CCSER1: variants seen among roughly 807,000 people sequenced by gnomAD.
The protein encoded by CCSER1 is coiled-coil serine rich protein 1.
CCSER1 carries 41 observed loss-of-function variants against 82.0 expected under a neutral mutation model. The ratio of observed to expected loss-of-function variants is 0.50; its 90% CI spans 0.39 to 0.65. The LOEUF (loss-of-function observed/expected upper bound fraction) is 0.65, where lower values mean the gene tolerates loss of function less well. Among genes scored for constraint, CCSER1 ranks in the 30% least tolerant of loss-of-function variants. The pLI, the probability that CCSER1 is intolerant of heterozygous loss-of-function variation, is 0.00. For missense variants in CCSER1, 1,119 were observed against 1,064.2 expected, an observed-to-expected ratio of 1.05 and a Z score of -0.72; for synonymous variants, 414 against 383.9, an observed-to-expected ratio of 1.08 and a Z score of -0.92.
In CCSER1 at chr4:90,749,025, G is replaced by T. The variant is rs1206143192; in HGVS notation, c.2010+25034G>T. Among the ~76,000 whole-genome samples the T allele has an allele frequency of 4.0e-5, 6 of 151,612 alleles. No individual in the cohort carries two copies. In the East Asian group the frequency reaches 1.2e-3, roughly 30 times the overall value. On this transcript the variant is annotated intron_variant, in intron 7 of 10. Transcript: ENST00000509176. ...TGATGGTAGTTTCTTTTGCTGTGCA[G>T]AAGCTCTTTAGTTTAATTAGATCCC...
intron 10 of CCSER1, among the ~76,000 whole-genome samples, chr4:91,425,946 T>C (rs1471182451): frequency 6.6e-6 from 1 of 152,214 alleles, no homozygotes; most frequent in Non-Finnish European, 1.5e-5. Flanking sequence ...TGTGCAGTTT[T>C]GTTACATAGG....
intron 10 of CCSER1, among the ~76,000 whole-genome samples, chr4:91,106,151 G>A (rs1357419962): frequency 1.3e-5 from 2 of 152,164 alleles, no homozygotes; most frequent in South Asian, 2.1e-4. Context: ...TAAAAAATGA[G>A]TTAGCATTTA....
At chr4:90,886,958 TAGA>T (rs1423765374) in intron 8 of CCSER1, among the ~76,000 whole-genome samples, 1 of 152,284 alleles carries the variant, frequency 6.6e-6, no homozygotes, top group South Asian at 2.1e-4. Flanking sequence ...TGAAACTACT[TAGA>T]AGAAGACCAA....
intron 10 of CCSER1, among the ~76,000 whole-genome samples, chr4:91,445,156 T>C (rs912225915): frequency 2.6e-5 from 4 of 152,136 alleles, no homozygotes; most frequent in Admixed American, 2.6e-4. Context: ...ATAATAACAA[T>C]CTCCCCTTTG....
chr4:91,530,087 T>G (rs1237314969), intron 10 of CCSER1, among the ~76,000 whole-genome samples: 1 of 152,102 alleles, frequency 6.6e-6, no homozygotes, highest in Admixed American at 6.6e-5. Flanking sequence ...ACTTGAATAT[T>G]ATTATTCTTA....
intron 8 of CCSER1, among the ~76,000 whole-genome samples, chr4:90,882,542 A>C (rs948515637): frequency 6.6e-6 from 1 of 152,080 alleles, no homozygotes; most frequent in African/African-American, 2.4e-5. Flanking sequence ...CAAATGAGTT[A>C]ATACGTGTGA....
intron 10 of CCSER1, among the ~76,000 whole-genome samples, chr4:91,251,385 C>T (rs1464424913): frequency 6.6e-6 from 1 of 152,114 alleles, no homozygotes; most frequent in African/African-American, 2.4e-5. Context: ...AAGTCTCCAC[C>T]TCCAAATACC....
intron 4 of CCSER1, among the ~76,000 whole-genome samples, chr4:90,463,003 TA>T (rs1417389952): frequency 2.6e-5 from 4 of 152,146 alleles, no homozygotes; most frequent in Non-Finnish European, 5.9e-5. Context: ...GAACCCAAAG[TA>T]TTTGTATGGT....
chr4:91,346,755 G>A (rs1181484868), intron 10 of CCSER1, among the ~76,000 whole-genome samples: 1 of 152,008 alleles, frequency 6.6e-6, no homozygotes, highest in East Asian at 1.9e-4. Context: ...ATTTTTTCAT[G>A]TGCTTATTTG....
intron 5 of CCSER1, among the ~76,000 whole-genome samples, chr4:90,521,573 A>C (rs1419413125): frequency 6.6e-6 from 1 of 152,172 alleles, no homozygotes; most frequent in East Asian, 1.9e-4. Flanking sequence ...TAGCAAGAAA[A>C]AGAAAATGGT....
intron 6 of CCSER1, among the ~76,000 whole-genome samples, chr4:90,632,464 A>G (rs1372759435): frequency 2.0e-5 from 3 of 151,786 alleles, no homozygotes; most frequent in East Asian, 1.9e-4. Flanking sequence ...ATGTTATGCT[A>G]TTTTATAATA....
At chr4:91,495,614 T>C (rs1269912570) in intron 10 of CCSER1, among the ~76,000 whole-genome samples, 1 of 151,594 alleles carries the variant, frequency 6.6e-6, no homozygotes, top group East Asian at 1.9e-4. Flanking sequence ...CCATGAGTCA[T>C]TCCTTCAGTT....
chr4:91,553,940 C>T (rs1270756157), intron 10 of CCSER1, among the ~76,000 whole-genome samples: 4 of 150,462 alleles, frequency 2.7e-5, no homozygotes, highest in Non-Finnish European at 5.9e-5. Flanking sequence ...TAATTTTCAG[C>T]TTGGTTTTTT....
At chr4:91,145,850 G>A (rs532411821) in intron 10 of CCSER1, among the ~76,000 whole-genome samples, 1 of 152,218 alleles carries the variant, frequency 6.6e-6, no homozygotes, top group South Asian at 2.1e-4. Context: ...CCCTTTGAAA[G>A]TGATATGACC....
chr4:90,271,852 A>ATATATATG (rs1726472428), intron 1 of CCSER1, among the ~76,000 whole-genome samples: 10 of 24,438 alleles, frequency 4.1e-4, no homozygotes, highest in African/African-American at 2.5e-3. Flanking sequence ...ATATATATAT[A>ATATATATG]TATATATATA....
intron 5 of CCSER1, among the ~76,000 whole-genome samples, chr4:90,552,286 G>A (rs1777613234): frequency 6.6e-6 from 1 of 152,092 alleles, no homozygotes; most frequent in Non-Finnish European, 1.5e-5. Context: ...TGAATCAATT[G>A]ATGATTTTCT....
chr4:90,750,580 G>A (rs17017503), intron 7 of CCSER1, among the ~76,000 whole-genome samples: 39,612 of 152,002 alleles, frequency 0.26, 5,874 homozygotes, highest in East Asian at 0.34. Flanking sequence ...AGCTCTCAAA[G>A]TGCTCAAATT....
At chr4:91,280,690 A>G (rs1057355199) in intron 10 of CCSER1, among the ~76,000 whole-genome samples, 11 of 152,134 alleles carry the variant, frequency 7.2e-5, no homozygotes, top group Non-Finnish European at 1.5e-4. Context: ...GGTGGTGTCT[A>G]TAAGTGGGGT....
chr4:90,800,603 G>A (rs1756674168), intron 7 of CCSER1, among the ~76,000 whole-genome samples: 1 of 152,154 alleles, frequency 6.6e-6, no homozygotes, highest in Non-Finnish European at 1.5e-5. Flanking sequence ...AGCAATGCCA[G>A]TGAGACAGTG....
Sources: allele counts gnomAD v4.1 joint callset (sites outside exome capture counted in the v4.1 genomes callset), GRCh38; gene constraint gnomAD v4.1.1; transcripts MANE v1.5; gene names NCBI Gene and HGNC (gene_info 2026-07-23, HGNC 2026-07-21).